The following SRGAP2 variants were observed in gnomAD, a reference collection of about 807,000 sequenced individuals.
SRGAP2 encodes the protein SLIT-ROBO Rho GTPase activating protein 2.
SRGAP2 carries 15 observed loss-of-function variants against 57.2 expected under a neutral mutation model. The ratio of observed to expected loss-of-function variants is 0.26; its 90% CI spans 0.18 to 0.40. SRGAP2 has a LOEUF of 0.40. Among genes scored for constraint, SRGAP2 ranks in the 10% least tolerant of loss-of-function variants. SRGAP2 has a pLI of 1.00. For synonymous variants in SRGAP2, 249 were observed against 248.0 expected, an observed-to-expected ratio of 1.00 and a Z score of -0.04; for missense variants, 520 against 669.6, an observed-to-expected ratio of 0.78 and a Z score of 2.47.
chr1:206,389,336 A>G (rs1656677052), intron 5 of SRGAP2, among the ~76,000 whole-genome samples: 2 of 151,048 alleles, frequency 1.3e-5, no homozygotes, highest in Non-Finnish European at 3.0e-5. Flanking sequence ...CACCACGCCC[A>G]GTTAATTTAT....
intron 11 of SRGAP2, among the ~76,000 whole-genome samples, chr1:206,418,289 A>G (rs1659923661): frequency 1.3e-5 from 2 of 152,232 alleles, no homozygotes; most frequent in Non-Finnish European, 2.9e-5. Context: ...ATTTTTGCAC[A>G]TAAGAGCTGA....
intron 14 of SRGAP2, 144 bp downstream of exon 14, chr1:206,430,366 T>C: frequency 1.6e-6 from 1 of 643,792 alleles, no homozygotes; most frequent in Admixed American, 2.3e-5. Flanking sequence ...CACATAACTT[T>C]TGCTACCTCA....
intron 8 of SRGAP2, chr1:206,404,822 C>T (rs1553356944): frequency 1.2e-5 from 2 of 161,456 alleles, no homozygotes; most frequent in African/African-American, 2.4e-5. Context: ...CCAGCAGTGG[C>T]AAGTTAGCCT....
chr1:206,355,432 C>T (rs1571940134), intron 4 of SRGAP2, among the ~76,000 whole-genome samples: 2 of 151,934 alleles, frequency 1.3e-5, no homozygotes, highest in East Asian at 3.9e-4. Flanking sequence ...AGTTAGTCTA[C>T]CGATAGTGAT....
intron 14 of SRGAP2, among the ~76,000 whole-genome samples, chr1:206,435,481 C>T (rs1661646114): frequency 1.3e-5 from 2 of 152,282 alleles, no homozygotes; most frequent in Admixed American, 1.3e-4. Context: ...CCAGTCCAAC[C>T]CCTGGGGCTG....
At chr1:206,245,419 C>T (rs1553310007) in intron 2 of SRGAP2, among the ~76,000 whole-genome samples, 1 of 151,844 alleles carries the variant, frequency 6.6e-6, no homozygotes, top group Non-Finnish European at 1.5e-5. Context: ...TTGAGTGATG[C>T]GAAAGATTTT....
intron 13 of SRGAP2, among the ~76,000 whole-genome samples, chr1:206,422,194 T>G (rs371318570): frequency 9.9e-5 from 15 of 152,192 alleles, no homozygotes; most frequent in Non-Finnish European, 2.1e-4. Context: ...GGGCGCATGG[T>G]TTTTATGGTG....
chr1:206,457,553 C>A (rs1424421715), intron 21 of SRGAP2, among the ~76,000 whole-genome samples: 1 of 152,198 alleles, frequency 6.6e-6, no homozygotes. Context: ...TGAGAACATC[C>A]TTTTTCCACT....
intron 10 of SRGAP2, among the ~76,000 whole-genome samples, chr1:206,414,521 A>C (rs1372216509): frequency 1.3e-5 from 2 of 152,212 alleles, no homozygotes; most frequent in African/African-American, 4.8e-5. Context: ...TTCACGGATC[A>C]CACTTTGGGA....
At chr1:206,331,618 C>T (rs1674361202) in intron 3 of SRGAP2, among the ~76,000 whole-genome samples, 1 of 141,612 alleles carries the variant, frequency 7.1e-6, no homozygotes, top group Non-Finnish European at 1.5e-5. Flanking sequence ...TTATCAGAGA[C>T]TAGGATTGCA....
At chr1:206,220,906 A>G (rs1454552678) in intron 2 of SRGAP2, among the ~76,000 whole-genome samples, 3 of 149,124 alleles carry the variant, frequency 2.0e-5, no homozygotes, top group Admixed American at 6.7e-5. Flanking sequence ...AGCTAATTTC[A>G]ACCTGGCAGC....
rs1158010281 is a variant in SRGAP2, at chr1:206,386,906, T to C, written c.486+2830T>C. Among the ~76,000 whole-genome samples, 17 of 145,952 alleles carry C rather than the reference T, an allele frequency of 1.2e-4. No individual in the cohort carries two copies. In the East Asian group the frequency reaches 1.5e-3, roughly 13 times the overall value. On this transcript the variant is annotated intron_variant, in intron 5 of 22. Coordinates refer to ENST00000573034, the MANE Select transcript of SRGAP2 (RefSeq NM_015326.5). ...TTGGGAGGCTGAGGTGGGCGGATCA[T>C]GAGGTCAGGAGATCGAGACCATCCT...
chr1:206,347,937 T>C (rs1417852561), intron 4 of SRGAP2, among the ~76,000 whole-genome samples: 33 of 151,970 alleles, frequency 2.2e-4, no homozygotes, highest in African/African-American at 3.4e-4. Context: ...GTGCCCCCTG[T>C]AAGAGGGAAA....
chr1:206,452,050 C>G (rs1553376134), intron 19 of SRGAP2, among the ~76,000 whole-genome samples: 1 of 152,190 alleles, frequency 6.6e-6, no homozygotes, highest in Non-Finnish European at 1.5e-5. Context: ...CTACCTGCAG[C>G]CTAGCACAGA....
At position 206,307,943 on chromosome 1, in the gene SRGAP2, A is replaced by G. The variant is rs1310350289; in HGVS notation, c.260+4470A>G. Among the ~76,000 whole-genome samples, 3 of 152,344 alleles carry G rather than the reference A, an allele frequency of 2.0e-5. No homozygotes were observed. In the East Asian group the frequency reaches 5.8e-4, roughly 29 times the overall value. On this transcript the variant is annotated intron_variant, in intron 3 of 22. Coordinates refer to ENST00000573034, the MANE Select transcript of SRGAP2 (RefSeq NM_015326.5). ...GCTGAAGGGCTCCTCGAATTCCATT[A>G]AAGTGGGAGCCCAGGCAGGGGAGGT...
intron 13 of SRGAP2, among the ~76,000 whole-genome samples, chr1:206,427,614 G>A (rs1266538998): frequency 6.6e-6 from 1 of 152,140 alleles, no homozygotes; most frequent in African/African-American, 2.4e-5. Flanking sequence ...AAACCCTATG[G>A]CTACAGTGGC....
At chr1:206,365,715 T>C (rs1370982872) in intron 4 of SRGAP2, among the ~76,000 whole-genome samples, 6 of 137,756 alleles carry the variant, frequency 4.4e-5, no homozygotes, top group Non-Finnish European at 9.2e-5. Context: ...AAATGAACAT[T>C]AGACCAGGAA....
At chr1:206,225,740 G>A (rs528768884) in intron 2 of SRGAP2, among the ~76,000 whole-genome samples, 2 of 152,192 alleles carry the variant, frequency 1.3e-5, no homozygotes, top group African/African-American at 4.8e-5. Context: ...ATTCTCCCTT[G>A]AAGGGGCTTC....
intron 13 of SRGAP2, among the ~76,000 whole-genome samples, chr1:206,429,032 G>C (rs1661058722): frequency 1.3e-5 from 2 of 152,282 alleles, no homozygotes; most frequent in South Asian, 4.1e-4. Flanking sequence ...AAAGGACTTA[G>C]TACATGGCCT....
Sources: gnomAD v4.1 joint callset for allele counts (sites outside exome capture counted in the v4.1 genomes callset) on GRCh38, gnomAD v4.1.1 for gene constraint, MANE v1.5 for transcripts, NCBI Gene and HGNC (gene_info 2026-07-23, HGNC 2026-07-21) for gene names.